The following CREB5 variants were observed in gnomAD, a reference collection of about 807,000 sequenced individuals.
CREB5 encodes the protein cyclic AMP-responsive element-binding protein 5.
CREB5 carries 19 observed loss-of-function variants against 57.1 expected under a neutral mutation model. That is an observed-to-expected ratio of 0.33 (90% CI 0.23 to 0.49). The LOEUF (loss-of-function observed/expected upper bound fraction) is 0.49, where lower values mean the gene tolerates loss of function less well. Among genes scored for constraint, CREB5 ranks in the 20% least tolerant of loss-of-function variants. The pLI is 0.99. For missense variants in CREB5, 579 were observed against 671.6 expected, an observed-to-expected ratio of 0.86 and a Z score of 1.52; for synonymous variants, 238 against 238.3, an observed-to-expected ratio of 1.00 and a Z score of 0.01.
intron 5 of CREB5, among the ~76,000 whole-genome samples, chr7:28,654,222 G>A (rs1188511721): frequency 2.0e-5 from 3 of 152,158 alleles, no homozygotes; most frequent in African/African-American, 7.2e-5. Context: ...GTAAAGGCTT[G>A]CCACTTTCGG....
intron 4 of CREB5, among the ~76,000 whole-genome samples, chr7:28,532,185 G>A (rs1016667858): frequency 3.3e-5 from 5 of 152,140 alleles, no homozygotes; most frequent in African/African-American, 1.2e-4. Context: ...GGTCCACGTG[G>A]CCAGGAGCTG....
intron 7 of CREB5, among the ~76,000 whole-genome samples, chr7:28,773,686 A>G (rs1806462171): frequency 6.6e-6 from 1 of 152,168 alleles, no homozygotes; most frequent in African/African-American, 2.4e-5. Flanking sequence ...AAAGAAACCC[A>G]TATCTTTCTG....
chr7:28,440,294 C>G (rs1789133731), intron 1 of CREB5, among the ~76,000 whole-genome samples: 1 of 152,130 alleles, frequency 6.6e-6, no homozygotes, highest in Non-Finnish European at 1.5e-5. Context: ...CTTTAAGTAC[C>G]AGTCAGCGTT....
At chr7:28,445,876 T>C (rs533974814) in intron 1 of CREB5, among the ~76,000 whole-genome samples, 1 of 152,214 alleles carries the variant, frequency 6.6e-6, no homozygotes, top group South Asian at 2.1e-4. Flanking sequence ...CTTGAGAGGG[T>C]GAGGGAATGA....
At chr7:28,452,614 T>A (rs1389672209) in intron 1 of CREB5, among the ~76,000 whole-genome samples, 2 of 152,146 alleles carry the variant, frequency 1.3e-5, no homozygotes, top group Non-Finnish European at 2.9e-5. Context: ...GTTGTTACCA[T>A]CCCTAGACCT....
At chr7:28,538,570 C>A (rs538363920) in intron 4 of CREB5, among the ~76,000 whole-genome samples, 3 of 151,952 alleles carry the variant, frequency 2.0e-5, no homozygotes, top group Non-Finnish European at 4.4e-5. Flanking sequence ...TGTCAGTTTT[C>A]TTTATTGTAT....
At chr7:28,809,162 A>ACCT in intron 8 of CREB5, 25 bp from the exon 9 acceptor site, 1 of 1,587,616 alleles carries the variant, frequency 6.3e-7, no homozygotes, top group South Asian at 1.1e-5. Context: ...TATCCCCATC[A>ACCT]CCTCCTCCCT....
At chr7:28,539,990 G>A (rs1234232944) in intron 4 of CREB5, among the ~76,000 whole-genome samples, 1 of 152,190 alleles carries the variant, frequency 6.6e-6, no homozygotes, top group African/African-American at 2.4e-5. Context: ...CATGGTACAC[G>A]TGTAATGTGG....
intron 5 of CREB5, among the ~76,000 whole-genome samples, chr7:28,648,517 C>G (rs1220999515): frequency 6.6e-6 from 1 of 152,058 alleles, no homozygotes; most frequent in Non-Finnish European, 1.5e-5. Context: ...AGGAGGATTG[C>G]TTGAGCTCAG....
At position 28,818,502 on chromosome 7, in the gene CREB5, G is replaced by A. The variant is rs1809569782; in HGVS notation, c.1363+323G>A. On this transcript the variant is annotated intron_variant, in intron 10 of 10. Transcript: ENST00000357727. ...AAGCCCAAGTACCAGTGGCCTAGCA[G>A]TCGCCTTCAGAAATCTGTGGTCTGG... 2.0e-5 allele frequency among the ~76,000 whole-genome samples: 3 copies of A among 152,336 alleles called. No individual in the cohort carries two copies. The South Asian group carries it at 6.2e-4, about 32-fold the overall frequency.
intron 4 of CREB5, among the ~76,000 whole-genome samples, chr7:28,508,056 G>A (rs748526344): frequency 2.6e-5 from 4 of 152,302 alleles, no homozygotes; most frequent in Admixed American, 6.5e-5. Flanking sequence ...GAACAGGCGA[G>A]TAATCTTCAT....
At chr7:28,743,838 C>CTTTTTTTTTTTTTT (rs58302393) in intron 7 of CREB5, among the ~76,000 whole-genome samples, 2 of 76,018 alleles carry the variant, frequency 2.6e-5, no homozygotes, top group Non-Finnish European at 4.6e-5. Flanking sequence ...ATCTCCTTTT[C>CTTTTTTTTTTTTTT]TTTTTTTTTT....
chr7:28,712,102 A>G (rs1044015736), intron 5 of CREB5, among the ~76,000 whole-genome samples: 1 of 152,196 alleles, frequency 6.6e-6, no homozygotes, highest in Non-Finnish European at 1.5e-5. Context: ...ATTCCAACCT[A>G]GGTAGTCTGG....
intron 1 of CREB5, among the ~76,000 whole-genome samples, chr7:28,436,854 G>T (rs932185613): frequency 4.6e-5 from 7 of 152,088 alleles, no homozygotes; most frequent in African/African-American, 1.7e-4. Context: ...ATGGGATGTG[G>T]GGGGAACAGG....
intron 4 of CREB5, among the ~76,000 whole-genome samples, chr7:28,517,290 C>T (rs773766621): frequency 7.2e-5 from 11 of 152,324 alleles, no homozygotes; most frequent in African/African-American, 2.4e-4. Context: ...ACATTAAGTA[C>T]GGCTTGGAGC....
intron 1 of CREB5, among the ~76,000 whole-genome samples, chr7:28,478,609 G>A (rs912720504): frequency 1.3e-5 from 2 of 152,136 alleles, no homozygotes; most frequent in Non-Finnish European, 2.9e-5. Context: ...CATTCTCTAT[G>A]ATGGAGCTGT....
At chr7:28,719,620 T>G (rs1802903258) in intron 6 of CREB5, among the ~76,000 whole-genome samples, 1 of 152,196 alleles carries the variant, frequency 6.6e-6, no homozygotes, top group South Asian at 2.1e-4. Context: ...TTTATACCTA[T>G]TTTCCAGATG....
At chr7:28,721,631 G>A (rs917669924) in intron 6 of CREB5, among the ~76,000 whole-genome samples, 3 of 152,150 alleles carry the variant, frequency 2.0e-5, no homozygotes, top group South Asian at 4.1e-4. Context: ...AAGTCTAGGT[G>A]TAAAACAAAA....
At chr7:28,315,680 G>A (rs776105268) in intron 1 of CREB5, among the ~76,000 whole-genome samples, 1 of 152,142 alleles carries the variant, frequency 6.6e-6, no homozygotes, top group African/African-American at 2.4e-5. Flanking sequence ...GTTGGAAAAC[G>A]TCCTGCTGCA....
Sources: allele counts gnomAD v4.1 joint callset (sites outside exome capture counted in the v4.1 genomes callset), GRCh38; gene constraint gnomAD v4.1.1; transcripts MANE v1.5; gene names NCBI Gene and HGNC (gene_info 2026-07-23, HGNC 2026-07-21).